The following PASD1 variants were observed in gnomAD, a reference collection of about 807,000 sequenced individuals.
PASD1 encodes the protein PAS domain containing repressor 1, also known as circadian clock protein PASD1.
In PASD1, 13 loss-of-function variants were observed where a neutral mutation model predicts 58.8. That is an observed-to-expected ratio of 0.22 (90% confidence interval 0.14 to 0.35). PASD1 has a LOEUF of 0.35. Among genes scored for constraint, PASD1 ranks in the 10% least tolerant of loss-of-function variants. The pLI is 1.00. For synonymous variants in PASD1, 236 were observed against 216.7 expected, an observed-to-expected ratio of 1.09 and a Z score of -0.78; for missense variants, 734 against 568.3, an observed-to-expected ratio of 1.29 and a Z score of -2.96.
At chrX:151,571,690 G>T (rs1021089946) in intron 1 of PASD1, among the ~76,000 whole-genome samples, 1 of 112,052 alleles carries the variant, frequency 8.9e-6, no homozygotes, top group Non-Finnish European at 1.9e-5. Context: ...GCATGCAAGA[G>T]AACCTAAAGT....
intron 1 of PASD1, among the ~76,000 whole-genome samples, chrX:151,592,217 G>C (rs2013260130): frequency 8.9e-6 from 1 of 112,265 alleles, no homozygotes; most frequent in African/African-American, 3.2e-5. Context: ...TTACTGGTCT[G>C]ATCAGAATTA....
At chrX:151,592,644 T>G (rs2013265694) in intron 1 of PASD1, among the ~76,000 whole-genome samples, 1 of 112,087 alleles carries the variant, frequency 8.9e-6, no homozygotes, top group African/African-American at 3.2e-5. Flanking sequence ...ACAGATTGTT[T>G]AGAAGTATGA....
rs2014551636 is a variant in PASD1 at position 151,676,710 on chromosome X, T to C, written c.*567T>C. ...CAGAGCTAAAATAATTATGGCTTCC[T>C]TGCTTAATAAACATTTTCGTTCACT... On this transcript the variant is annotated 3_prime_UTR_variant, in exon 16 of 16. Coordinates refer to ENST00000370357, the MANE Select transcript of PASD1 (RefSeq NM_173493.3). 8.9e-6 allele frequency: 1 copy of C among 112,228 alleles called. No homozygotes were observed. The highest frequency in any genetic ancestry group is 1.9e-5 in the Non-Finnish European group (1 of 53,315). 9.2% of individuals were successfully genotyped at this position (112,228 alleles called of 1,213,427 possible). A position where few individuals can be genotyped will look rare whatever the true frequency, so the allele number is the denominator to read the frequency against.
chrX:151,655,972 G>A (rs1164830700), intron 9 of PASD1, among the ~76,000 whole-genome samples: 4 of 111,996 alleles, frequency 3.6e-5, no homozygotes, highest in Non-Finnish European at 7.5e-5. Flanking sequence ...TTCTTCTAGG[G>A]TTTTTATGGT....
At chrX:151,564,785 C>G (rs1013943233) in intron 1 of PASD1, among the ~76,000 whole-genome samples, 6 of 110,014 alleles carry the variant, frequency 5.5e-5, no homozygotes, top group Non-Finnish European at 9.5e-5. Flanking sequence ...TGGGAGGGAT[C>G]GCTTGAGCCT....
intron 4 of PASD1, among the ~76,000 whole-genome samples, chrX:151,618,390 T>A (rs1485442538): frequency 8.9e-6 from 1 of 112,466 alleles, no homozygotes; most frequent in East Asian, 2.8e-4. Flanking sequence ...ACTTTATTAC[T>A]TTGTTGCTAT....
At position 151,648,672 on chromosome X, in the gene PASD1, T is replaced by C; in HGVS notation, c.687T>C (p.Ala229=). 1 of 1,129,122 alleles carries C rather than the reference T, an allele frequency of 8.9e-7. No individual in the cohort carries two copies. The highest frequency in any genetic ancestry group is 1.2e-6 in the Non-Finnish European group (1 of 837,845). 93.1% of individuals were successfully genotyped at this position (1,129,122 alleles called of 1,213,427 possible). Residue 229 remains alanine, a synonymous_variant, in exon 9 of 16, where the codon GCT becomes GCC. Coordinates refer to ENST00000370357, the MANE Select transcript of PASD1 (RefSeq NM_173493.3). ...TGAAAGCCGTGTACGTTGAACCCGCTGCTGCTGCTGCTGCTGCTGCTATCT... is the reference window on the plus strand; with the variant it reads ...TGAAAGCCGTGTACGTTGAACCCGCCGCTGCTGCTGCTGCTGCTGCTATCT... ...TSMKAVYVEP[A]AAAAAAAISD...
intron 9 of PASD1, among the ~76,000 whole-genome samples, chrX:151,658,417 C>A (rs764836512): frequency 1.8e-5 from 2 of 111,913 alleles, no homozygotes; most frequent in Non-Finnish European, 3.8e-5. Context: ...TTGATAAGCC[C>A]GAACATACGA....
intron 8 of PASD1, among the ~76,000 whole-genome samples, chrX:151,639,814 A>T (rs1399180954): frequency 9.0e-6 from 1 of 111,563 alleles, no homozygotes; most frequent in African/African-American, 3.3e-5. Context: ...TCATTTTCTG[A>T]TTTCTAGAAT....
intron 7 of PASD1, among the ~76,000 whole-genome samples, chrX:151,623,427 A>C (rs1463731990): frequency 9.0e-6 from 1 of 110,611 alleles, no homozygotes; most frequent in Non-Finnish European, 1.9e-5. Context: ...CAGCTCCACC[A>C]CAACCCCATT....
In PASD1 at chrX:151,671,731, T is replaced by C; in HGVS notation, c.1389T>C (p.Ser463=). ...KCFCGLSLSN[S]LKNTGELQEP... is the part of the protein sequence containing the mutation. The stretch of plus-strand genomic sequence containing the variant: ...TCTGTGGTTTATCTTTATCCAACTC[T>C]CTCAAAAACACTGGGGAGCTTCAGG... Residue 463 remains serine (S), a synonymous_variant, in exon 13 of 16, where the codon TCT becomes TCC. Coordinates refer to ENST00000370357, the MANE Select transcript of PASD1 (RefSeq NM_173493.3). 8.3e-7 allele frequency: 1 copy of C among 1,210,714 alleles called. No individual in the cohort carries two copies. The highest frequency in any genetic ancestry group is 1.1e-6 in the Non-Finnish European group (1 of 894,529).
At position 151,621,605 on chromosome X, in the gene PASD1, G is replaced by A; in HGVS notation, c.418+13G>A. On this transcript the variant is annotated intron_variant, in intron 6 of 15. Transcript: ENST00000370357. The stretch of plus-strand genomic sequence containing the variant: ...GATATTTGTAATGGTAAGCAGTTCT[G>A]TTTATCTTATCTATATGACATTTAT... The A allele has an allele frequency of 1.8e-6, 2 of 1,105,466 alleles. No homozygotes were observed. Among genetic ancestry groups the A allele is most frequent in the Non-Finnish European group, 2.5e-6 (2 of 808,270 alleles). The allele number at this position is 1,105,466 out of a possible 1,213,427, so 91.1% of individuals were successfully genotyped here. A position where few individuals can be genotyped will look rare whatever the true frequency, so the allele number is the denominator to read the frequency against.
At chrX:151,600,122 G>A (rs2013392748) in intron 1 of PASD1, among the ~76,000 whole-genome samples, 1 of 111,925 alleles carries the variant, frequency 8.9e-6, no homozygotes, top group Non-Finnish European at 1.9e-5. Context: ...AAACCAGTCA[G>A]GCGTGGCGGC....
chrX:151,666,890 G>A (rs377392965), intron 11 of PASD1, among the ~76,000 whole-genome samples: 23 of 105,878 alleles, frequency 2.2e-4, no homozygotes, highest in Non-Finnish European at 4.2e-4. Flanking sequence ...AATCCTTTGG[G>A]TATATACCCA....
intron 11 of PASD1, among the ~76,000 whole-genome samples, chrX:151,668,881 C>G (rs2014422476): frequency 9.6e-6 from 1 of 104,112 alleles, no homozygotes; most frequent in Admixed American, 1.1e-4. Context: ...ATCCTGATAC[C>G]AAAGCCTGGC....
At chrX:151,659,686 C>G in intron 9 of PASD1, 27 bp from the exon 10 acceptor site, 1 of 1,178,346 alleles carries the variant, frequency 8.5e-7, no homozygotes, top group Non-Finnish European at 1.1e-6. Context: ...ATGCAATGTC[C>G]TATCTTTCTC....
At position 151,664,299 on chromosome X, in the gene PASD1, T is replaced by C. The variant is rs1265488455; in HGVS notation, c.1022T>C (p.Val341Ala). 3 of 1,209,784 alleles carry C rather than the reference T, an allele frequency of 2.5e-6. No homozygotes were observed. The highest frequency in any genetic ancestry group is 3.4e-6 in the Non-Finnish European group (3 of 895,119). ...PLDQAGLMDPVDPEDSVDLGA... is the reference protein window; with the variant it reads ...PLDQAGLMDPADPEDSVDLGA... ...GACCAGGCAGGCCTGATGGATCCAG[T>C]GGATCCAGAGGACTCAGTGGACCTG... The change falls in exon 11 of 16, where the codon GTG (valine) becomes GCG (alanine). Residue 341 changes from valine to alanine, a missense_variant. Physicochemically the swap from Val to Ala is moderately conservative, Grantham distance 64. Transcript: ENST00000370357.
chrX:151,600,998 G>A (rs1054089691), intron 1 of PASD1, among the ~76,000 whole-genome samples: 11 of 112,272 alleles, frequency 9.8e-5, no homozygotes, highest in African/African-American at 3.6e-4. Flanking sequence ...CAAAGCAGAG[G>A]ACTTCAGTGA....
At chrX:151,602,843 CT>C (rs1312682791) in intron 2 of PASD1, among the ~76,000 whole-genome samples, 1 of 112,142 alleles carries the variant, frequency 8.9e-6, no homozygotes, top group East Asian at 2.8e-4. Flanking sequence ...GCTTTAACCC[CT>C]GGTCATCCCA....
Sources: gnomAD v4.1 joint callset for allele counts (sites outside exome capture counted in the v4.1 genomes callset) on GRCh38, gnomAD v4.1.1 for gene constraint, MANE v1.5 for transcripts, NCBI Gene and HGNC (gene_info 2026-07-23, HGNC 2026-07-21) for gene names.